FKBP15: variants seen among roughly 807,000 people sequenced by gnomAD.
FKBP15 encodes FKBP prolyl isomerase family member 15, also known as FK506-binding protein 15.
FKBP15 carries 106 observed loss-of-function variants against 158.1 expected under a neutral mutation model. That is an observed-to-expected ratio of 0.67 (90% CI 0.57 to 0.79). The LOEUF (loss-of-function observed/expected upper bound fraction) is 0.79, where lower values mean the gene tolerates loss of function less well. Ranked by LOEUF, FKBP15 falls within the 30% of genes least tolerant of loss-of-function variation. The pLI is 0.00. For synonymous variants in FKBP15, 547 were observed against 548.6 expected (o/e 1.00, Z 0.04); for missense variants, 1,287 against 1,479.1 (o/e 0.87, Z 2.13).
chr9:113,187,401 A>G (rs1378659005), intron 14 of FKBP15: 1 of 160,142 alleles, frequency 6.2e-6, no homozygotes, highest in African/African-American at 2.4e-5. Flanking sequence ...TACATTTTCC[A>G]CATGGTTCCA....
In FKBP15 at chr9:113,173,571, C is replaced by T. The variant is rs767542264; in HGVS notation, c.2414G>A (p.Trp805Ter). 111 of 1,613,806 alleles carry T rather than the reference C, an allele frequency of 6.9e-5. No individual in the cohort carries two copies. Among genetic ancestry groups the T allele is most frequent in the Non-Finnish European group, 9.2e-5 (108 of 1,179,884 alleles). ...SLVQAELQTQ[W>*]EAKCEHLLAS... ...CAACAAATGTTCACATTTTGCTTCC[C>T]ACTGGGTCTGTAGCTCAGCCTGTAC... The change falls in exon 23 of 28, where the codon TGG (tryptophan) becomes TAG (stop). Residue 805 changes from tryptophan (W) to a stop codon, truncating the protein, a stop_gained. Transcript: ENST00000238256. LOFTEE classifies it high-confidence loss of function.
At chr9:113,218,511 T>C (rs142260547) in intron 1 of FKBP15, among the ~76,000 whole-genome samples, 124 of 151,770 alleles carry the variant, frequency 8.2e-4, no homozygotes, top group Non-Finnish European at 1.6e-3. Context: ...CTTAGAACAG[T>C]GTATGGCATT....
At position 113,184,909 on chromosome 9, in the gene FKBP15, A is replaced by G. The variant is rs779523066; in HGVS notation, c.1499-105T>C. On this transcript the variant is annotated intron_variant, in intron 15 of 27. Coordinates refer to ENST00000238256, the MANE Select transcript of FKBP15 (RefSeq NM_015258.2). This position sits in a 1 kb window ranked among gnomAD's most constrained non-coding sequence, Gnocchi z 4.5. ...AGTAAAGAAAGAAATTAATACTTCC[A>G]TACACTAGGAAATGCTATAGGTGAC... The G allele has an allele frequency of 2.3e-6, 2 of 858,762 alleles. No homozygotes were observed. The highest frequency in any genetic ancestry group is 3.6e-6 in the Non-Finnish European group (2 of 549,562). 53.2% of individuals were successfully genotyped at this position (858,762 alleles called of 1,614,324 possible). A position where few individuals can be genotyped will look rare whatever the true frequency, so the allele number is the denominator to read the frequency against.
In FKBP15 at chr9:113,171,627, G is replaced by A. The variant is rs1830210992; in HGVS notation, c.2612C>T (p.Ser871Phe). ...QHIKELEKNK[S>F]QMSGVEAAAS... ...AGCAGCTTCAACCCCAGACATCTGG[G>A]ACTTGTTCTTCTCTAGTTCCTTGAT... Residue 871 changes from serine to phenylalanine, a missense_variant, in exon 24 of 28, where the codon TCC (serine) becomes TTC (phenylalanine). Transcript: ENST00000238256. 6.2e-7 allele frequency: 1 copy of A among 1,606,030 alleles called. No homozygotes were observed. The highest frequency in any genetic ancestry group is 1.7e-5 in the Admixed American group (1 of 58,822).
rs1830064171 is a variant in FKBP15 at position 113,164,247 on chromosome 9, G to A, written c.*1831C>T. 2 of 151,740 alleles carry A rather than the reference G, an allele frequency of 1.3e-5. No homozygotes were observed. Among genetic ancestry groups the A allele is most frequent in the Admixed American group, 1.3e-4 (2 of 15,178 alleles). The allele number at this position is 151,740 out of a possible 1,614,324, so 9.4% of individuals were successfully genotyped here. ...AACTGGTAGTACTCTTTATAAGCCT[G>A]TCTGAGGACAGAGTCCATCCATCTG... is the stretch of plus-strand genomic sequence containing the variant. On this transcript the variant is annotated 3_prime_UTR_variant, in exon 28 of 28. Coordinates refer to ENST00000238256, the MANE Select transcript of FKBP15 (RefSeq NM_015258.2).
In FKBP15 at chr9:113,168,520, C is replaced by T. The variant is rs769455950; in HGVS notation, c.3522G>A (p.Gly1174=). The part of the protein sequence containing the change: ...SGDEEDELFK[G]ATLKALRPKA... ...TGGGCCTCAGAGCTTTCAGAGTTGC[C>T]CCTTTAAACAGTTCATCCTCTTCAT... Residue 1174 remains glycine (G), a synonymous_variant, in exon 27 of 28, where the codon GGG becomes GGA. Coordinates refer to ENST00000238256, the MANE Select transcript of FKBP15 (RefSeq NM_015258.2). The T allele has an allele frequency of 1.2e-6, 2 of 1,613,950 alleles. No homozygotes were observed. Among genetic ancestry groups the T allele is most frequent in the East Asian group, 2.2e-5 (1 of 44,884 alleles).
Position 113,206,557 on chromosome 9 carries a change from C to A in FKBP15, c.276G>T (p.Lys92Asn), listed in dbSNP as rs968808514. ...AYRYTNGQYV[K>N]QGKFGAAVLG... The stretch of plus-strand genomic sequence containing the variant: ...GAACTGCAGCACCAAATTTGCCCTG[C>A]TTTACATATTGACCATTTGTGCTAT... Residue 92 changes from lysine (K) to asparagine (N), a missense_variant, in exon 4 of 28, where the codon AAG (lysine) becomes AAT (asparagine). Lys to Asn is a moderately conservative substitution (Grantham distance 94). Coordinates refer to ENST00000238256, the MANE Select transcript of FKBP15 (RefSeq NM_015258.2). The A allele has an allele frequency of 6.2e-7, 1 of 1,613,880 alleles. No homozygotes were observed. Among genetic ancestry groups the A allele is most frequent in the African/African-American group, 1.3e-5 (1 of 75,040 alleles).
At chr9:113,173,305 A>T in intron 23 of FKBP15, 148 bp downstream of exon 23, 1 of 770,162 alleles carries the variant, frequency 1.3e-6, no homozygotes, top group Non-Finnish European at 2.0e-6. Flanking sequence ...TAAGTATGTG[A>T]AAGATAACTG....
At chr9:113,178,849 A>G in intron 19 of FKBP15, 48 bp from the exon 20 acceptor site, 1 of 1,526,210 alleles carries the variant, frequency 6.6e-7, no homozygotes, top group Non-Finnish European at 8.8e-7. Context: ...GGTGTTCTCC[A>G]TGCAGGTGAT....
chr9:113,170,733 C>A, intron 24 of FKBP15, 104 bp from the exon 25 acceptor site: 1 of 794,550 alleles, frequency 1.3e-6, no homozygotes, highest in East Asian at 2.4e-5. Context: ...TCTTAGATCT[C>A]TACACTGGGA....
At chr9:113,167,124 C>CA (rs1478406573) in intron 27 of FKBP15, among the ~76,000 whole-genome samples, 2 of 152,226 alleles carry the variant, frequency 1.3e-5, no homozygotes, top group African/African-American at 4.8e-5. Context: ...AAGTGTGGCT[C>CA]ACAGCTTCTG....
Position 113,204,589 on chromosome 9 carries a change from G to A in FKBP15, c.325-1554C>T, listed in dbSNP as rs548018891. Among the ~76,000 whole-genome samples, 8 of 152,254 alleles carry A rather than the reference G, an allele frequency of 5.3e-5. 1 individual carries two copies. The South Asian group carries it at 1.7e-3, about 32-fold the overall frequency. On this transcript the variant is annotated intron_variant, in intron 4 of 27. Transcript: ENST00000238256. ...AGTACTTTAAAGATATAATTCTACT[G>A]TCTTTGGATTCCAATTACATGGACG...
In FKBP15 at chr9:113,165,879, A is replaced by G. The variant is rs748931791; in HGVS notation, c.*199T>C. On this transcript the variant is annotated 3_prime_UTR_variant, in exon 28 of 28. Transcript: ENST00000238256. ...TGCTGAAATCCCAGTGTTCTTGAAG[A>G]CAGGGTTATGATCCTCTTCACCAGG... The G allele has an allele frequency of 1.2e-5, 6 of 515,902 alleles. No homozygotes were observed. Among genetic ancestry groups the G allele is most frequent in the Non-Finnish European group, 2.1e-5 (6 of 285,046 alleles). 32.0% of individuals were successfully genotyped at this position (515,902 alleles called of 1,614,324 possible). A position where few individuals can be genotyped will look rare whatever the true frequency, so the allele number is the denominator to read the frequency against.
intron 21 of FKBP15, among the ~76,000 whole-genome samples, chr9:113,176,019 T>C (rs1457884898): frequency 6.6e-6 from 1 of 152,210 alleles, no homozygotes; most frequent in Non-Finnish European, 1.5e-5. Context: ...ATCCATCACG[T>C]AGGAATGCTC....
At chr9:113,194,261 T>C in intron 9 of FKBP15, 92 bp from the exon 10 acceptor site, 1 of 1,015,218 alleles carries the variant, frequency 9.9e-7, no homozygotes, top group South Asian at 1.6e-5. Flanking sequence ...CTCTGGGGAC[T>C]GTTGTCGGGT....
At chr9:113,170,180 G>A (rs1830180692) in intron 25 of FKBP15, among the ~76,000 whole-genome samples, 1 of 152,008 alleles carries the variant, frequency 6.6e-6, no homozygotes, top group Non-Finnish European at 1.5e-5. Context: ...CTGGAGTGCA[G>A]TTGGGGGCAA....
Position 113,165,993 on chromosome 9 carries a change from G to T in FKBP15, c.*85C>A. On this transcript the variant is annotated 3_prime_UTR_variant, in exon 28 of 28. Coordinates refer to ENST00000238256, the MANE Select transcript of FKBP15 (RefSeq NM_015258.2). ...AATGCTCACCTTGACCTCACCCTGT[G>T]GTTCGCCTAGACCCAGGGTTGGCTG... 1 of 1,329,368 alleles carries T rather than the reference G, an allele frequency of 7.5e-7. No individual in the cohort carries two copies. The highest frequency in any genetic ancestry group is 1.1e-6 in the Non-Finnish European group (1 of 951,440). 82.3% of individuals were successfully genotyped at this position (1,329,368 alleles called of 1,614,324 possible). A position where few individuals can be genotyped will look rare whatever the true frequency, so the allele number is the denominator to read the frequency against.
In FKBP15 at chr9:113,176,428, T is replaced by C. The variant is rs148517505; in HGVS notation, c.2223+109A>G. ...ATTTTTTTTTAATTTTACACTTTTCTATATTATTTGTATTTGTTACAATAA... is the reference window on the plus strand; with the variant it reads ...ATTTTTTTTTAATTTTACACTTTTCCATATTATTTGTATTTGTTACAATAA... On this transcript the variant is annotated intron_variant, in intron 21 of 27. Transcript: ENST00000238256. The C allele has an allele frequency of 3.0e-3, 3,804 of 1,279,746 alleles. 7 individuals carry two copies. Among genetic ancestry groups the C allele is most frequent in the Non-Finnish European group, 3.6e-3 (3,398 of 949,090 alleles). The allele number at this position is 1,279,746 out of a possible 1,614,324, so 79.3% of individuals were successfully genotyped here. A position where few individuals can be genotyped will look rare whatever the true frequency, so the allele number is the denominator to read the frequency against.
At chr9:113,176,696 C>T in intron 20 of FKBP15, 23 bp from the exon 21 acceptor site, 6 of 1,605,610 alleles carry the variant, frequency 3.7e-6, no homozygotes, top group South Asian at 1.1e-5. Context: ...AGCAGAGAGA[C>T]TTCGCTACAG....
Sources: allele counts gnomAD v4.1 joint callset (sites outside exome capture counted in the v4.1 genomes callset), GRCh38; gene constraint gnomAD v4.1.1; non-coding constraint Gnocchi (gnomAD v3.1); transcripts MANE v1.5; gene names NCBI Gene and HGNC (gene_info 2026-07-23, HGNC 2026-07-21).